GNAQ: variants seen among roughly 807,000 people sequenced by gnomAD.
The protein encoded by GNAQ is G protein subunit alpha q.
Under a neutral mutation model 43.9 loss-of-function variants are expected in GNAQ, and 8 were observed. The ratio of observed to expected loss-of-function variants is 0.18; its 90% CI spans 0.11 to 0.33. GNAQ has a LOEUF of 0.33. Ranked by LOEUF, GNAQ falls within the 10% of genes least tolerant of loss-of-function variation. The pLI, the probability that GNAQ is intolerant of heterozygous loss-of-function variation, is 1.00. For synonymous variants in GNAQ, 155 were observed against 170.7 expected, an observed-to-expected ratio of 0.91 and a Z score of 0.71; for missense variants, 158 against 450.8, an observed-to-expected ratio of 0.35 and a Z score of 5.88.
At chr9:78,003,813 A>T (rs1361373664) in intron 1 of GNAQ, among the ~76,000 whole-genome samples, 3 of 142,494 alleles carry the variant, frequency 2.1e-5, no homozygotes, top group African/African-American at 2.6e-5. Context: ...AAGACTGTCT[A>T]AAAAAAAAAA....
chr9:77,855,524 C>G (rs1427576284), intron 2 of GNAQ, among the ~76,000 whole-genome samples: 1 of 151,886 alleles, frequency 6.6e-6, no homozygotes, highest in Non-Finnish European at 1.5e-5. Context: ...TTTTTTCGCC[C>G]TCTTTGAGCT....
intron 1 of GNAQ, among the ~76,000 whole-genome samples, chr9:78,008,569 TATTTCATTTCATTTCATTTCATTTC>T (rs201289708): frequency 9.7e-4 from 142 of 146,970 alleles, no homozygotes; most frequent in African/African-American, 3.2e-3. Context: ...ACTATCGATT[TATTTCATTTCATTTCATTTCATTTC>T]ATTTCATTTC....
chr9:77,756,827 G>A lies in GNAQ; in HGVS notation c.736-28160C>T, dbSNP rs1181220842. 3.3e-5 allele frequency among the ~76,000 whole-genome samples: 5 copies of A among 152,290 alleles called. No homozygotes were observed. In the South Asian group the frequency reaches 8.3e-4, roughly 25 times the overall value. On this transcript the variant is annotated intron_variant, in intron 5 of 6. Coordinates refer to ENST00000286548, the MANE Select transcript of GNAQ (RefSeq NM_002072.5). ...CTTCAGGTTTCCTTATCTGTAAAAT[G>A]AGAAGGGTAACTAAAATCCTTTCTG...
intron 1 of GNAQ, among the ~76,000 whole-genome samples, chr9:77,952,447 T>C (rs1442430900): frequency 6.6e-6 from 1 of 152,200 alleles, no homozygotes; most frequent in Non-Finnish European, 1.5e-5. Context: ...ACAAAAATAT[T>C]GATGACACAA....
At chr9:77,745,430 T>TG (rs1825714484) in intron 5 of GNAQ, among the ~76,000 whole-genome samples, 1 of 151,880 alleles carries the variant, frequency 6.6e-6, no homozygotes, top group Non-Finnish European at 1.5e-5. Flanking sequence ...CAGAGATCAC[T>TG]GTAAAGAGAT....
intron 5 of GNAQ, among the ~76,000 whole-genome samples, chr9:77,768,455 A>G (rs1183334251): frequency 6.6e-6 from 1 of 152,130 alleles, no homozygotes; most frequent in Non-Finnish European, 1.5e-5. Flanking sequence ...GTCTCCACCT[A>G]AGCTTGATGT....
intron 1 of GNAQ, among the ~76,000 whole-genome samples, chr9:77,987,900 AAAG>A (rs1394630201): frequency 3.3e-5 from 5 of 152,096 alleles, no homozygotes; most frequent in Admixed American, 6.6e-5. Context: ...CCTAGGAAGA[AAAG>A]AAGAAGAAAG....
intron 5 of GNAQ, among the ~76,000 whole-genome samples, chr9:77,776,008 A>G (rs983346172): frequency 6.6e-6 from 1 of 152,242 alleles, no homozygotes; most frequent in Admixed American, 6.5e-5. Flanking sequence ...AAGGACCTCT[A>G]AAAATCTATC....
At chr9:77,889,794 C>A (rs140770304) in intron 2 of GNAQ, among the ~76,000 whole-genome samples, 2 of 152,290 alleles carry the variant, frequency 1.3e-5, no homozygotes, top group African/African-American at 4.8e-5. Context: ...AAATGCACAA[C>A]TATCTTTATA....
chr9:77,866,854 C>T (rs971126681), intron 2 of GNAQ, among the ~76,000 whole-genome samples: 5 of 152,080 alleles, frequency 3.3e-5, no homozygotes, highest in East Asian at 1.9e-4. Context: ...AAAACACAGT[C>T]GTCATCTGGA....
intron 2 of GNAQ, among the ~76,000 whole-genome samples, chr9:77,820,087 C>CAAAAAAAAAA (rs3083136): frequency 2.9e-5 from 3 of 104,986 alleles, no homozygotes; most frequent in Non-Finnish European, 3.7e-5. Flanking sequence ...ATTTAAAATG[C>CAAAAAAAAAA]AAAAAAAAAA....
chr9:77,924,019 C>A (rs920695332), intron 1 of GNAQ, among the ~76,000 whole-genome samples: 1 of 152,168 alleles, frequency 6.6e-6, no homozygotes, highest in Non-Finnish European at 1.5e-5. Flanking sequence ...ATAGCCCTCA[C>A]ACAGTTACAA....
intron 5 of GNAQ, among the ~76,000 whole-genome samples, chr9:77,773,466 T>G (rs1320563099): frequency 6.6e-6 from 1 of 152,228 alleles, no homozygotes; most frequent in Non-Finnish European, 1.5e-5. Context: ...AGTAATGATA[T>G]CCTCATTCTT....
At chr9:77,970,156 T>A (rs1308211709) in intron 1 of GNAQ, among the ~76,000 whole-genome samples, 2 of 151,508 alleles carry the variant, frequency 1.3e-5, no homozygotes, top group Non-Finnish European at 2.9e-5. Context: ...GAGATGGAGG[T>A]TGCAGTGAGC....
intron 1 of GNAQ, among the ~76,000 whole-genome samples, chr9:78,028,919 G>C (rs1283211975): frequency 6.6e-6 from 1 of 152,080 alleles, no homozygotes; most frequent in African/African-American, 2.4e-5. Context: ...TGTTGCAAAA[G>C]CAATATACCA....
At chr9:77,766,648 G>T (rs530974756) in intron 5 of GNAQ, among the ~76,000 whole-genome samples, 127 of 152,220 alleles carry the variant, frequency 8.3e-4, no homozygotes, top group African/African-American at 2.9e-3. Flanking sequence ...GGGGGTGTAG[G>T]GTGGGAGGCT....
chr9:77,759,693 A>C (rs1825958625), intron 5 of GNAQ, among the ~76,000 whole-genome samples: 1 of 152,188 alleles, frequency 6.6e-6, no homozygotes, highest in Non-Finnish European at 1.5e-5. Flanking sequence ...AAGGCCAGAC[A>C]AGAACAGAGA....
chr9:77,884,692 G>C (rs565034875), intron 2 of GNAQ, among the ~76,000 whole-genome samples: 3 of 152,210 alleles, frequency 2.0e-5, no homozygotes, highest in Admixed American at 2.0e-4. Context: ...GACAGGCTGT[G>C]GCTGTTCACT....
At chr9:77,899,552 C>CAA (rs67934886) in intron 2 of GNAQ, among the ~76,000 whole-genome samples, 59 of 137,350 alleles carry the variant, frequency 4.3e-4, no homozygotes, top group East Asian at 1.3e-3. Context: ...ATCACATTAA[C>CAA]AAAAAAAAAA....
Sources: allele counts gnomAD v4.1 joint callset (sites outside exome capture counted in the v4.1 genomes callset), GRCh38; gene constraint gnomAD v4.1.1; transcripts MANE v1.5; gene names NCBI Gene and HGNC (gene_info 2026-07-23, HGNC 2026-07-21).